ARHGEF9: variants seen among roughly 807,000 people sequenced by gnomAD.
ARHGEF9 encodes the protein rho guanine nucleotide exchange factor 9.
ARHGEF9 carries 2 observed loss-of-function variants against 41.3 expected under a neutral mutation model. The ratio of observed to expected loss-of-function variants is 0.05; its 90% CI spans 0.02 to 0.15. ARHGEF9 has a LOEUF of 0.15. Among genes scored for constraint, ARHGEF9 ranks in the 10% least tolerant of loss-of-function variants. ARHGEF9 has a pLI of 1.00. For synonymous variants in ARHGEF9, 160 were observed against 154.4 expected (o/e 1.04, Z -0.27); for missense variants, 225 against 424.7 (o/e 0.53, Z 4.13).
intron 7 of ARHGEF9, among the ~76,000 whole-genome samples, chrX:63,665,342 G>A (rs1359138467): frequency 1.8e-5 from 2 of 112,417 alleles, no homozygotes; most frequent in Non-Finnish European, 3.8e-5. Context: ...GAAGAGCACG[G>A]TTGGGGGTTG....
At chrX:63,749,779 T>C (rs1223878798) in intron 1 of ARHGEF9, among the ~76,000 whole-genome samples, 1 of 112,524 alleles carries the variant, frequency 8.9e-6, no homozygotes, top group Non-Finnish European at 1.9e-5. Flanking sequence ...ATTAGTATTG[T>C]CATTACTGGA....
intron 1 of ARHGEF9, among the ~76,000 whole-genome samples, chrX:63,737,813 A>G (rs1490702727): frequency 8.9e-6 from 1 of 112,119 alleles, no homozygotes; most frequent in East Asian, 2.8e-4. Context: ...TAAGGAAACT[A>G]ATTTGTGAAC....
intron 7 of ARHGEF9, 78 bp downstream of exon 7, chrX:63,665,808 G>T: frequency 8.7e-7 from 1 of 1,145,896 alleles, no homozygotes; most frequent in Non-Finnish European, 1.2e-6. Context: ...TTTGTTGGGA[G>T]CCTGGGGATG....
chrX:63,674,266 T>C (rs1462050534), intron 5 of ARHGEF9, 99 bp from the exon 6 acceptor site: 2 of 940,585 alleles, frequency 2.1e-6, no homozygotes, highest in Admixed American at 2.5e-5. Flanking sequence ...ACCTCCTTAG[T>C]AACAGAGTCC....
At chrX:63,769,502 C>T (rs1249391032) in intron 1 of ARHGEF9, among the ~76,000 whole-genome samples, 6 of 111,810 alleles carry the variant, frequency 5.4e-5, no homozygotes, top group African/African-American at 1.9e-4. Context: ...GCGTAAGTAA[C>T]AAGAAGTTAA....
chrX:63,692,920 C>T (rs1425660252), intron 4 of ARHGEF9, among the ~76,000 whole-genome samples: 1 of 111,700 alleles, frequency 9.0e-6, no homozygotes, highest in Non-Finnish European at 1.9e-5. Flanking sequence ...ATGGGTGGAA[C>T]TGGAAGACAT....
chrX:63,771,616 G>C, intron 1 of ARHGEF9, among the ~76,000 whole-genome samples: 1 of 110,411 alleles, frequency 9.1e-6, no homozygotes, highest in Middle Eastern at 4.6e-3. Flanking sequence ...ATCCAGGCTG[G>C]AGTGCAGTGG....
At chrX:63,702,228 T>A (rs1447532411) in intron 3 of ARHGEF9, among the ~76,000 whole-genome samples, 1 of 112,442 alleles carries the variant, frequency 8.9e-6, no homozygotes, top group Non-Finnish European at 1.9e-5. Flanking sequence ...GAGATTATCT[T>A]CCTCAAGAGA....
intron 1 of ARHGEF9, among the ~76,000 whole-genome samples, chrX:63,757,740 T>A (rs1201561776): frequency 8.9e-6 from 1 of 112,096 alleles, no homozygotes; most frequent in Non-Finnish European, 1.9e-5. Context: ...ATTAAGCCTC[T>A]ACTCTTCTGC....
chrX:63,648,497 C>T (rs782219580), intron 8 of ARHGEF9, among the ~76,000 whole-genome samples: 23 of 111,405 alleles, frequency 2.1e-4, no homozygotes, highest in East Asian at 1.7e-3. Context: ...TGCAAAAGCA[C>T]GCCAAATTGT....
At position 63,638,049 on chromosome X, in the gene ARHGEF9, C is replaced by T; in HGVS notation, c.1551G>A (p.Arg517=). ...GGTATCATTTTTTGAAGGGGGTTAA[C>T]CTGCTGAAGTTTTGCCAGAATGGTG... The part of the protein sequence containing the change: ...SQSPFWQNFS[R]LTPFKK The change falls in exon 10 of 10, where the codon AGG becomes AGA. Residue 517 remains arginine, a synonymous_variant. Coordinates refer to ENST00000671741, the MANE Select transcript of ARHGEF9 (RefSeq NM_001353921.2). The T allele has an allele frequency of 1.7e-6, 2 of 1,210,539 alleles. No individual in the cohort carries two copies. The highest frequency in any genetic ancestry group is 1.7e-5 in the African/African-American group (1 of 57,601).
chrX:63,718,738 C>T (rs1329115528), intron 2 of ARHGEF9, among the ~76,000 whole-genome samples: 3 of 112,177 alleles, frequency 2.7e-5, no homozygotes, highest in Non-Finnish European at 5.6e-5. Flanking sequence ...GGGCTAGTAG[C>T]TGGAAATAAC....
intron 1 of ARHGEF9, among the ~76,000 whole-genome samples, chrX:63,770,578 A>T (rs1261614589): frequency 8.9e-6 from 1 of 112,327 alleles, no homozygotes; most frequent in African/African-American, 3.2e-5. Flanking sequence ...AAATGTAAAA[A>T]CATAAAATTT....
intron 8 of ARHGEF9, among the ~76,000 whole-genome samples, chrX:63,648,450 G>A (rs1198534179): frequency 9.0e-6 from 1 of 111,206 alleles, no homozygotes; most frequent in African/African-American, 3.3e-5. Flanking sequence ...CCTGAAGGAA[G>A]CACTAAACAC....
At chrX:63,732,078 C>T (rs2054338625) in intron 1 of ARHGEF9, 1 of 112,113 alleles carries the variant, frequency 8.9e-6, no homozygotes, top group African/African-American at 3.3e-5. Context: ...CTGAAGATAA[C>T]TCACTCAAGC....
chrX:63,755,084 A>G, intron 1 of ARHGEF9: 1 of 938,144 alleles, frequency 1.1e-6, no homozygotes, highest in Non-Finnish European at 1.3e-6. Context: ...CACTCGTTCG[A>G]TCCCTGCCTT....
chrX:63,674,254 C>T, intron 5 of ARHGEF9, 87 bp from the exon 6 acceptor site: 1 of 1,009,994 alleles, frequency 9.9e-7, no homozygotes, highest in Non-Finnish European at 1.4e-6. Context: ...CCACTCTCCT[C>T]TACCTCCTTA....
chrX:63,754,906 A>C (rs1353919333), intron 1 of ARHGEF9: 110 of 937,632 alleles, frequency 1.2e-4, no homozygotes, highest in Non-Finnish European at 1.4e-4. Context: ...TTTCAAAGGG[A>C]AAGGCGGGGG....
At chrX:63,753,547 T>TTC (rs2055783141) in intron 1 of ARHGEF9, among the ~76,000 whole-genome samples, 1 of 108,958 alleles carries the variant, frequency 9.2e-6, no homozygotes, top group Admixed American at 9.8e-5. Flanking sequence ...TGTGGGGTTT[T>TTC]TTTTTTTTTT....
Sources: gnomAD v4.1 joint callset for allele counts (sites outside exome capture counted in the v4.1 genomes callset) on GRCh38, gnomAD v4.1.1 for gene constraint, MANE v1.5 for transcripts, NCBI Gene and HGNC (gene_info 2026-07-23, HGNC 2026-07-21) for gene names.